CAMSAP1: variants seen among roughly 807,000 people sequenced by gnomAD.
The protein encoded by CAMSAP1 is calmodulin-regulated spectrin-associated protein 1.
In CAMSAP1, 58 loss-of-function variants were observed where a neutral mutation model predicts 143.5. The ratio of observed to expected loss-of-function variants is 0.40; its 90% confidence interval spans 0.33 to 0.50. CAMSAP1 has a LOEUF of 0.50. Ranked by LOEUF, CAMSAP1 falls within the 20% of genes least tolerant of loss-of-function variation. The pLI, the probability that CAMSAP1 is intolerant of heterozygous loss-of-function variation, is 0.45. For missense variants in CAMSAP1, 1,969 were observed against 2,115.7 expected (o/e 0.93, Z 1.36); for synonymous variants, 945 against 859.3 (o/e 1.10, Z -1.74).
intron 3 of CAMSAP1, among the ~76,000 whole-genome samples, chr9:135,869,889 A>T (rs967229300): frequency 6.6e-6 from 1 of 152,206 alleles, no homozygotes; most frequent in African/African-American, 2.4e-5. Flanking sequence ...AACACAGAAG[A>T]ACCCTGGAAA....
intron 5 of CAMSAP1, among the ~76,000 whole-genome samples, chr9:135,855,106 C>CT (rs1366463020): frequency 6.6e-6 from 1 of 152,114 alleles, no homozygotes; most frequent in East Asian, 1.9e-4. Flanking sequence ...ATTTTCCTGC[C>CT]TGAGCCTCCC....
intron 16 of CAMSAP1, among the ~76,000 whole-genome samples, chr9:135,812,691 G>A (rs762813456): frequency 3.3e-4 from 51 of 152,270 alleles, no homozygotes; most frequent in African/African-American, 1.1e-3. Context: ...TGTTTGGGCC[G>A]GGCGCTGTGG....
At chr9:135,899,920 C>T (rs78002330) in intron 1 of CAMSAP1, among the ~76,000 whole-genome samples, 2,204 of 152,240 alleles carry the variant, frequency 0.014, 56 homozygotes, top group African/African-American at 0.051. Context: ...TCCTCAAGCC[C>T]GTCATTATGG....
rs749955470 is a variant in CAMSAP1, at chr9:135,817,986, G to T, written c.4262C>A (p.Pro1421His). The T allele has an allele frequency of 1.7e-5, 27 of 1,613,870 alleles. No individual in the cohort carries two copies. The East Asian group carries it at 5.6e-4, about 33-fold the overall frequency. ...GTCTCAGGCCCCTTACCGCTGAGAG[G>T]GTGTGCCCCCGGAATGAACGCTCTC... ...EPESVHSGGT[P>H]SQRVESMEAL... The change falls in exon 14 of 17, where the codon CCC becomes CAC. Residue 1421 changes from proline to histidine, a missense_variant. Pro to His is a moderately conservative substitution (Grantham distance 77, BLOSUM62 -2). Around this residue, in one of 4 missense-constraint regions of CAMSAP1, gnomAD observed 1,390 missense variants for 1,420.8 expected, o/e 0.98. Coordinates refer to ENST00000389532, the MANE Select transcript of CAMSAP1 (RefSeq NM_015447.4).
At chr9:135,825,014 T>C in intron 8 of CAMSAP1, 134 bp from the exon 9 acceptor site, 1 of 727,892 alleles carries the variant, frequency 1.4e-6, no homozygotes, top group Non-Finnish European at 2.2e-6. Flanking sequence ...GGGAAAAAAA[T>C]GACAATAAAA....
intron 1 of CAMSAP1, among the ~76,000 whole-genome samples, chr9:135,898,522 C>T (rs534359023): frequency 1.3e-5 from 2 of 152,188 alleles, no homozygotes; most frequent in South Asian, 4.2e-4. Flanking sequence ...TATATATACA[C>T]AATTAACTCA....
intron 7 of CAMSAP1, among the ~76,000 whole-genome samples, chr9:135,842,234 G>A (rs1387711731): frequency 6.6e-6 from 1 of 152,052 alleles, no homozygotes; most frequent in Non-Finnish European, 1.5e-5. Context: ...TCGATCAAGT[G>A]GAAGAAAGGA....
chr9:135,817,501 A>G (rs2131643122), intron 14 of CAMSAP1, among the ~76,000 whole-genome samples: 1 of 151,954 alleles, frequency 6.6e-6, no homozygotes, highest in South Asian at 2.1e-4. Context: ...AAGCGATACT[A>G]CCACCTCAGC....
chr9:135,840,495 C>A (rs1484417136), intron 7 of CAMSAP1, among the ~76,000 whole-genome samples: 3 of 152,176 alleles, frequency 2.0e-5, no homozygotes, highest in Non-Finnish European at 2.9e-5. Flanking sequence ...CAGGTGAAAC[C>A]ACCTCACAAG....
rs769853731 is a variant in CAMSAP1 at position 135,822,442 on chromosome 9, G to A, written c.2219C>T (p.Ser740Leu). ...GGCTTCCTCTATGTCCACCACATCC[G>A]AGTCAGAATCCTGCCTGAGGAGAGT... ...PWTLLRQDSD[S>L]DVVDIEEAEH... is the part of the protein sequence containing the mutation. Residue 740 changes from serine to leucine, a missense_variant, in exon 11 of 17, where the codon TCG becomes TTG. Coordinates refer to ENST00000389532, the MANE Select transcript of CAMSAP1 (RefSeq NM_015447.4). The surrounding 1 kb of genome is among the most constrained non-coding windows in gnomAD (Gnocchi z 6.1). 19 of 1,613,774 alleles carry A rather than the reference G, an allele frequency of 1.2e-5. No homozygotes were observed. The highest frequency in any genetic ancestry group is 3.3e-5 in the South Asian group (3 of 91,086).
At chr9:135,902,580 G>A (rs1436214414) in intron 1 of CAMSAP1, among the ~76,000 whole-genome samples, 4 of 152,134 alleles carry the variant, frequency 2.6e-5, no homozygotes, top group South Asian at 4.1e-4. Context: ...GATTATAAAG[G>A]GATTTTGCTC....
At position 135,877,367 on chromosome 9, in the gene CAMSAP1, A is replaced by G. The variant is rs186009485; in HGVS notation, c.585+4266T>C. On this transcript the variant is annotated intron_variant, in intron 3 of 16. Coordinates refer to ENST00000389532, the MANE Select transcript of CAMSAP1 (RefSeq NM_015447.4). ...AGAGGATTAACTGCAAAGCACCATG[A>G]AAGAGCTTGTTTAGGGTGATGGAAA... 2.6e-5 allele frequency among the ~76,000 whole-genome samples: 4 copies of G among 152,214 alleles called. No individual in the cohort carries two copies. In the East Asian group the frequency reaches 7.7e-4, roughly 29 times the overall value.
In CAMSAP1 at chr9:135,906,987, T is replaced by G. The variant is rs1471431829; in HGVS notation, c.160+13A>C. 3 of 1,059,428 alleles carry G rather than the reference T, an allele frequency of 2.8e-6. No homozygotes were observed. The highest frequency in any genetic ancestry group is 3.4e-6 in the Non-Finnish European group (3 of 876,844). 65.6% of individuals were successfully genotyped at this position (1,059,428 alleles called of 1,614,324 possible). A position where few individuals can be genotyped will look rare whatever the true frequency, so the allele number is the denominator to read the frequency against. On this transcript the variant is annotated intron_variant, in intron 1 of 16. Coordinates refer to ENST00000389532, the MANE Select transcript of CAMSAP1 (RefSeq NM_015447.4). ...GCCCCTGGCCCCCGCCCCGCGCCCC[T>G]CACCCGGCCCACCTCGGCCGTAGGC...
Position 135,821,203 on chromosome 9 carries a change from G to T in CAMSAP1, c.3458C>A (p.Ala1153Asp). ...ATGTGGGTCACCACTGGGCTCCAGGGCACTGTCCAGGCCAGGGTCCGTGGG... is the reference window on the plus strand; with the variant it reads ...ATGTGGGTCACCACTGGGCTCCAGGTCACTGTCCAGGCCAGGGTCCGTGGG... ...RTPTDPGLDSALEPSGDPHGK... is the reference protein window; with the variant it reads ...RTPTDPGLDSDLEPSGDPHGK... The change falls in exon 11 of 17, where the codon GCC becomes GAC. Residue 1153 changes from alanine (A) to aspartate (D), a missense_variant. Ala to Asp is a moderately radical substitution (Grantham distance 126). Transcript: ENST00000389532. This position sits in a 1 kb window ranked among gnomAD's most constrained non-coding sequence, Gnocchi z 4.6. 6.2e-7 allele frequency: 1 copy of T among 1,609,384 alleles called. No individual in the cohort carries two copies. The highest frequency in any genetic ancestry group is 8.5e-7 in the Non-Finnish European group (1 of 1,179,872).
chr9:135,876,522 A>G (rs902632824), intron 3 of CAMSAP1, among the ~76,000 whole-genome samples: 1 of 152,254 alleles, frequency 6.6e-6, no homozygotes, highest in African/African-American at 2.4e-5. Flanking sequence ...TCAAATGGCT[A>G]AAGAGAAAAG....
At chr9:135,845,361 C>T (rs557243903) in intron 7 of CAMSAP1, among the ~76,000 whole-genome samples, 7 of 152,128 alleles carry the variant, frequency 4.6e-5, no homozygotes, top group Admixed American at 1.3e-4. Flanking sequence ...ATTGATGGGA[C>T]GTATCTCAAA....
chr9:135,886,773 C>G (rs1451158562), intron 1 of CAMSAP1, among the ~76,000 whole-genome samples: 2 of 152,198 alleles, frequency 1.3e-5, no homozygotes, highest in African/African-American at 4.8e-5. Context: ...TGGTCACCGC[C>G]AGGAGAGACA....
chr9:135,817,150 G>A (rs978983523), intron 14 of CAMSAP1, among the ~76,000 whole-genome samples: 62 of 152,268 alleles, frequency 4.1e-4, no homozygotes, highest in African/African-American at 1.5e-3. Context: ...GAGACTACAG[G>A]GACATGGCAT....
chr9:135,832,142 C>A (rs1427616075), intron 7 of CAMSAP1, among the ~76,000 whole-genome samples: 1 of 152,206 alleles, frequency 6.6e-6, no homozygotes, highest in Non-Finnish European at 1.5e-5. Flanking sequence ...GCCAATATCT[C>A]TGATTAACAC....
Sources: allele counts gnomAD v4.1 joint callset (sites outside exome capture counted in the v4.1 genomes callset), GRCh38; gene constraint gnomAD v4.1.1; regional missense constraint gnomAD v4.1.1; non-coding constraint Gnocchi (gnomAD v3.1); transcripts MANE v1.5; gene names NCBI Gene and HGNC (gene_info 2026-07-23, HGNC 2026-07-21).